ROBO2: variants seen among roughly 807,000 people sequenced by gnomAD.
ROBO2 encodes the protein roundabout homolog 2.
Under a neutral mutation model 160.8 loss-of-function variants are expected in ROBO2, and 53 were observed. The observed-to-expected ratio is 0.33, with a 90% CI of 0.26 to 0.41. The LOEUF (loss-of-function observed/expected upper bound fraction) is 0.41, where lower values mean the gene tolerates loss of function less well. Among genes scored for constraint, ROBO2 ranks in the 10% least tolerant of loss-of-function variants. The pLI is 1.00. For synonymous variants in ROBO2, 664 were observed against 611.7 expected (o/e 1.09, Z -1.26); for missense variants, 1,577 against 1,722.4 (o/e 0.92, Z 1.49).
intron 2 of ROBO2, among the ~76,000 whole-genome samples, chr3:77,288,281 G>C (rs2060752982): frequency 6.6e-6 from 1 of 152,174 alleles, no homozygotes; most frequent in Non-Finnish European, 1.5e-5. Context: ...GGAGAGAATA[G>C]AGGTAGAGAG....
At chr3:76,687,503 T>A (rs1366551056) in intron 2 of ROBO2, among the ~76,000 whole-genome samples, 2 of 151,954 alleles carry the variant, frequency 1.3e-5, no homozygotes, top group East Asian at 1.9e-4. Flanking sequence ...AGAAAGATTT[T>A]AAAAAATACC....
intron 2 of ROBO2, among the ~76,000 whole-genome samples, chr3:76,534,844 T>G (rs78086302): frequency 0.012 from 1,783 of 152,140 alleles, 34 homozygotes; most frequent in African/African-American, 0.039. Context: ...TGACAAGCAG[T>G]CAGAGCATTG....
intron 2 of ROBO2, among the ~76,000 whole-genome samples, chr3:76,331,576 C>T (rs1487279988): frequency 1.3e-5 from 2 of 152,080 alleles, no homozygotes; most frequent in Non-Finnish European, 2.9e-5. Context: ...CAACCCATGG[C>T]CAATGCTCAG....
chr3:76,895,010 G>A (rs1381792139), intron 2 of ROBO2, among the ~76,000 whole-genome samples: 4 of 152,074 alleles, frequency 2.6e-5, no homozygotes, highest in Admixed American at 6.6e-5. Context: ...GTGCATGTCA[G>A]TAGTAATTAA....
intron 6 of ROBO2, among the ~76,000 whole-genome samples, chr3:77,526,814 G>A (rs1054454543): frequency 2.0e-4 from 30 of 151,432 alleles, no homozygotes; most frequent in African/African-American, 7.3e-4. Context: ...CTTAACAGTA[G>A]TTAGGGAGCT....
chr3:77,505,040 T>G (rs1227551120), intron 5 of ROBO2, among the ~76,000 whole-genome samples: 2 of 152,220 alleles, frequency 1.3e-5, no homozygotes, highest in Non-Finnish European at 2.9e-5. Context: ...GGAGTGGCAC[T>G]TAAGGCCACA....
At chr3:77,285,854 A>G (rs1046966211) in intron 2 of ROBO2, among the ~76,000 whole-genome samples, 1 of 152,218 alleles carries the variant, frequency 6.6e-6, no homozygotes, top group African/African-American at 2.4e-5. Context: ...GCAAGAAAAT[A>G]TAGTTTAGAA....
chr3:76,326,681 C>G (rs1299526885), intron 2 of ROBO2, among the ~76,000 whole-genome samples: 1 of 151,586 alleles, frequency 6.6e-6, no homozygotes, highest in South Asian at 2.1e-4. Flanking sequence ...AGGTTAGTTA[C>G]ATACGTATAC....
intron 2 of ROBO2, among the ~76,000 whole-genome samples, chr3:76,861,606 T>C (rs1346493157): frequency 2.0e-5 from 3 of 152,152 alleles, no homozygotes; most frequent in Non-Finnish European, 4.4e-5. Context: ...ACATGTATTT[T>C]TATATTTCTC....
At chr3:77,463,493 T>C (rs1039537282) in intron 2 of ROBO2, among the ~76,000 whole-genome samples, 1 of 152,032 alleles carries the variant, frequency 6.6e-6, no homozygotes, top group African/African-American at 2.4e-5. Context: ...AGCAATTGCA[T>C]AGTAATTGAT....
chr3:77,577,503 A>G, exon 15 of ROBO2: 1 of 1,613,296 alleles, frequency 6.2e-7, no homozygotes, highest in Non-Finnish European at 8.5e-7. Context: ...CAAGTGCCCC[A>G]CCACAGTCTG....
At chr3:77,529,291 T>C (rs978697931) in intron 6 of ROBO2, among the ~76,000 whole-genome samples, 6 of 151,496 alleles carry the variant, frequency 4.0e-5, no homozygotes, top group African/African-American at 1.5e-4. Flanking sequence ...TATTTAGAAG[T>C]TTTTTAAAGA....
chr3:76,812,196 G>C (rs2109007078), intron 2 of ROBO2, among the ~76,000 whole-genome samples: 1 of 151,712 alleles, frequency 6.6e-6, no homozygotes, highest in East Asian at 2.0e-4. Context: ...AAGGGAGCTG[G>C]ATACAATTCC....
At chr3:76,306,045 G>T (rs771132630) in intron 2 of ROBO2, among the ~76,000 whole-genome samples, 2 of 152,050 alleles carry the variant, frequency 1.3e-5, no homozygotes, top group Admixed American at 6.6e-5. Flanking sequence ...TTTCAACCTT[G>T]CTGTGACAGC....
rs150893340 is a variant in ROBO2, at chr3:77,148,729, G to T, written c.388+50389G>T. ...AACACCATTATGTCAAGCAAATACC[G>T]CTAAATATGAAACAAAATATTGACT... is the stretch of plus-strand genomic sequence containing the variant. On this transcript the variant is annotated intron_variant, in intron 2 of 25. Transcript: ENST00000461745. 2.0e-4 allele frequency among the ~76,000 whole-genome samples: 31 copies of T among 152,186 alleles called. No homozygotes were observed. In the East Asian group the frequency reaches 5.4e-3, roughly 27 times the overall value.
intron 23 of ROBO2, among the ~76,000 whole-genome samples, chr3:77,627,427 G>A (rs772382884): frequency 9.2e-5 from 14 of 151,798 alleles, no homozygotes; most frequent in Non-Finnish European, 1.3e-4. Flanking sequence ...TTGCAGGCTC[G>A]GGCCACCACG....
intron 2 of ROBO2, among the ~76,000 whole-genome samples, chr3:76,548,408 T>G (rs1305360881): frequency 6.6e-6 from 1 of 152,030 alleles, no homozygotes; most frequent in African/African-American, 2.4e-5. Flanking sequence ...GATCAGGGGT[T>G]GGAATACAGA....
chr3:77,262,484 A>G (rs374715640), intron 2 of ROBO2, among the ~76,000 whole-genome samples: 1 of 152,152 alleles, frequency 6.6e-6, no homozygotes, highest in Non-Finnish European at 1.5e-5. Context: ...ATGAGAAAGC[A>G]TAAGTGTCTT....
intron 24 of ROBO2, among the ~76,000 whole-genome samples, chr3:77,642,436 C>T (rs2095362240): frequency 6.6e-6 from 1 of 152,132 alleles, no homozygotes. Flanking sequence ...AAACACTTTC[C>T]ACATTTAACT....
Sources: gnomAD v4.1 joint callset for allele counts (sites outside exome capture counted in the v4.1 genomes callset) on GRCh38, gnomAD v4.1.1 for gene constraint, MANE v1.5 for transcripts, NCBI Gene and HGNC (gene_info 2026-07-23, HGNC 2026-07-21) for gene names.